MAP3K15: variants seen among roughly 807,000 people sequenced by gnomAD.
MAP3K15 encodes the protein MAPK/ERK kinase kinase 15.
In MAP3K15, 124 loss-of-function variants were observed where a neutral mutation model predicts 99.5. The observed-to-expected ratio is 1.25, with a 90% confidence interval of 1.08 to 1.45. The LOEUF is 1.45. MAP3K15 is among the 40% of genes most tolerant of loss of function. The pLI is 0.00. For synonymous variants in MAP3K15, 494 were observed against 439.6 expected, an observed-to-expected ratio of 1.12 and a Z score of -1.55; for missense variants, 1,242 against 1,079.7, an observed-to-expected ratio of 1.15 and a Z score of -2.11.
At chrX:19,502,901 A>C (rs1048218985) in intron 1 of MAP3K15, among the ~76,000 whole-genome samples, 10 of 111,716 alleles carry the variant, frequency 9.0e-5, no homozygotes, top group Admixed American at 2.9e-4. Context: ...AAAATAGACT[A>C]ATATGGGGAC....
chrX:19,382,522 T>G (rs2063465966), intron 18 of MAP3K15, among the ~76,000 whole-genome samples: 2 of 112,057 alleles, frequency 1.8e-5, no homozygotes, highest in Admixed American at 1.9e-4. Context: ...TAAGTTTTAA[T>G]TGTATTCAAT....
chrX:19,414,997 T>C, intron 10 of MAP3K15, 110 bp downstream of exon 10: 1 of 696,173 alleles, frequency 1.4e-6, no homozygotes, highest in South Asian at 3.4e-5. Flanking sequence ...TATCCCAACA[T>C]TTAAAATTAC....
At chrX:19,467,821 T>C (rs2064179116) in intron 3 of MAP3K15, among the ~76,000 whole-genome samples, 2 of 109,152 alleles carry the variant, frequency 1.8e-5, no homozygotes, top group Non-Finnish European at 3.8e-5. Context: ...AGAGCAAGAC[T>C]CCGTCTCAAA....
intron 9 of MAP3K15, 104 bp from the exon 10 acceptor site, chrX:19,415,361 C>A: frequency 8.0e-6 from 6 of 747,797 alleles, no homozygotes; most frequent in South Asian, 3.5e-5. Context: ...CACTTAAATT[C>A]ATATTATGTC....
At chrX:19,454,751 A>ATCTCT (rs2064080060) in intron 6 of MAP3K15, among the ~76,000 whole-genome samples, 2 of 112,086 alleles carry the variant, frequency 1.8e-5, no homozygotes, top group African/African-American at 3.2e-5. Flanking sequence ...AAAACTATAT[A>ATCTCT]TACCAGTTAG....
chrX:19,457,020 C>T lies in MAP3K15; in HGVS notation c.889-1G>A. ...CCAGCTTCACCATCGCATCATAGTC[C>T]TGTTGGCAAGAGGTCCCAAAGTGAG... On this transcript the variant is annotated splice_acceptor_variant, in intron 5 of 28. Coordinates refer to ENST00000338883, the MANE Select transcript of MAP3K15 (RefSeq NM_001001671.4). LOFTEE classifies it high-confidence loss of function. The T allele has an allele frequency of 8.5e-7, 1 of 1,180,460 alleles. No individual in the cohort carries two copies. The highest frequency in any genetic ancestry group is 1.8e-5 in the South Asian group (1 of 55,901).
chrX:19,444,099 G>C (rs1054425911), intron 6 of MAP3K15, among the ~76,000 whole-genome samples: 22 of 111,918 alleles, frequency 2.0e-4, no homozygotes, highest in African/African-American at 6.5e-4. Flanking sequence ...CCAAGGGCTG[G>C]CTGCTGGTGA....
At chrX:19,420,794 G>T (rs1315150755) in intron 9 of MAP3K15, among the ~76,000 whole-genome samples, 3 of 111,719 alleles carry the variant, frequency 2.7e-5, no homozygotes, top group Non-Finnish European at 5.6e-5. Context: ...ATAAAGTACT[G>T]GCAAACGGAA....
intron 11 of MAP3K15, among the ~76,000 whole-genome samples, chrX:19,413,146 C>T (rs718114): frequency 1.9e-5 from 2 of 105,388 alleles, no homozygotes; most frequent in African/African-American, 7.2e-5. Flanking sequence ...ACACACACTC[C>T]CCCACCCCCA....
At position 19,389,549 on chromosome X, in the gene MAP3K15, C is replaced by T. The variant is rs538902139; in HGVS notation, c.2431+2453G>A. ...CTGTTTTGCAAAGAGCAATTATATG[C>T]GGGGGAATTTCCTAACCAAAATGAG... On this transcript the variant is annotated intron_variant, in intron 18 of 28. Transcript: ENST00000338883. Among the ~76,000 whole-genome samples, 53 of 111,738 alleles carry T rather than the reference C, an allele frequency of 4.7e-4. No individual in the cohort carries two copies. The South Asian group carries it at 0.019, about 39-fold the overall frequency.
chrX:19,472,254 AATAATAATAATAAT>A lies in MAP3K15; in HGVS notation c.526-7862_526-7849del, dbSNP rs2064213330. On this transcript the variant is annotated intron_variant, in intron 3 of 28. Transcript: ENST00000338883. ...TAATAATAATAATAATAATAATAAT[AATAATAATAATAAT>A]AAAGAAATTTCTTCAGGCTGAAAGC... Among the ~76,000 whole-genome samples, 4 of 105,244 alleles carry A rather than the reference AATAATAATAATAAT, an allele frequency of 3.8e-5. No homozygotes were observed. The Admixed American group carries it at 4.2e-4, about 11-fold the overall frequency. 91.4% of individuals were successfully genotyped at this position (105,244 alleles called of 115,157 possible). A position where few individuals can be genotyped will look rare whatever the true frequency, so the allele number is the denominator to read the frequency against.
intron 25 of MAP3K15, among the ~76,000 whole-genome samples, chrX:19,365,993 C>T (rs1451142044): frequency 1.3e-5 from 1 of 79,866 alleles, no homozygotes; most frequent in Non-Finnish European, 2.2e-5. Flanking sequence ...GATGATAGAG[C>T]GAGCCTCCAT....
chrX:19,429,867 C>T (rs1239064807), intron 7 of MAP3K15, among the ~76,000 whole-genome samples: 1 of 104,163 alleles, frequency 9.6e-6, no homozygotes, highest in African/African-American at 3.4e-5. Context: ...ATGTCAAGAG[C>T]TCTTATGATG....
intron 9 of MAP3K15, among the ~76,000 whole-genome samples, chrX:19,425,132 T>G (rs184214657): frequency 8.9e-6 from 1 of 111,896 alleles, no homozygotes; most frequent in African/African-American, 3.2e-5. Flanking sequence ...TGCCACCGTT[T>G]TATTTACCAT....
chrX:19,412,877 G>A (rs1176697849), intron 11 of MAP3K15, among the ~76,000 whole-genome samples: 1 of 109,854 alleles, frequency 9.1e-6, no homozygotes, highest in Non-Finnish European at 1.9e-5. Context: ...TGGGACTACA[G>A]GTGTGCACCA....
chrX:19,387,178 T>A (rs946056531), intron 18 of MAP3K15, among the ~76,000 whole-genome samples: 2 of 110,898 alleles, frequency 1.8e-5, no homozygotes, highest in Non-Finnish European at 3.8e-5. Context: ...CAGCTCCATG[T>A]GTATGTGTTC....
chrX:19,474,918 A>G (rs1351406407), intron 3 of MAP3K15, among the ~76,000 whole-genome samples: 3 of 111,083 alleles, frequency 2.7e-5, no homozygotes, highest in Admixed American at 9.6e-5. Context: ...GTATTTAAAC[A>G]CTTTAAAACA....
intron 4 of MAP3K15, among the ~76,000 whole-genome samples, chrX:19,461,604 A>G (rs1340556019): frequency 1.8e-5 from 2 of 112,306 alleles, no homozygotes; most frequent in African/African-American, 6.5e-5. Context: ...TACAACAACC[A>G]TAGATTGATT....
At chrX:19,441,512 G>A (rs776889010) in intron 6 of MAP3K15, among the ~76,000 whole-genome samples, 2 of 111,911 alleles carry the variant, frequency 1.8e-5, no homozygotes, top group Non-Finnish European at 3.8e-5. Context: ...GTTTGGGTCC[G>A]TCGTCCAGGC....
Sources: gnomAD v4.1 joint callset for allele counts (sites outside exome capture counted in the v4.1 genomes callset) on GRCh38, gnomAD v4.1.1 for gene constraint, MANE v1.5 for transcripts, NCBI Gene and HGNC (gene_info 2026-07-23, HGNC 2026-07-21) for gene names.